RBPJ: variants seen among roughly 807,000 people sequenced by gnomAD.
The protein encoded by RBPJ is recombining binding protein suppressor of hairless.
RBPJ carries 9 observed loss-of-function variants against 67.8 expected under a neutral mutation model. That is an observed-to-expected ratio of 0.13 (90% CI 0.08 to 0.23). The LOEUF (loss-of-function observed/expected upper bound fraction) is 0.23, where lower values mean the gene tolerates loss of function less well. Among genes scored for constraint, RBPJ ranks in the 10% least tolerant of loss-of-function variants. RBPJ has a pLI of 1.00. For synonymous variants in RBPJ, 198 were observed against 203.3 expected, an observed-to-expected ratio of 0.97 and a Z score of 0.22; for missense variants, 305 against 595.6, an observed-to-expected ratio of 0.51 and a Z score of 5.08.
intron 1 of RBPJ, among the ~76,000 whole-genome samples, chr4:26,329,887 C>CTT (rs1260547342): frequency 2.0e-5 from 3 of 149,764 alleles, no homozygotes; most frequent in Non-Finnish European, 4.4e-5. Flanking sequence ...GAGTGAGACT[C>CTT]TGTCTCCAAA....
chr4:26,429,846 C>T (rs1736036391), intron 8 of RBPJ, 52 bp from the exon 9 acceptor site: 5 of 1,497,094 alleles, frequency 3.3e-6, no homozygotes, highest in South Asian at 1.2e-5. Flanking sequence ...TTTTCTTATC[C>T]TATTAATACA....
At chr4:26,304,744 C>G (rs1437358086) in intron 1 of RBPJ, among the ~76,000 whole-genome samples, 3 of 149,568 alleles carry the variant, frequency 2.0e-5, no homozygotes, top group Non-Finnish European at 4.4e-5. Flanking sequence ...ATACTAGACC[C>G]ATTTCACATA....
intron 1 of RBPJ, among the ~76,000 whole-genome samples, chr4:26,233,488 T>C (rs747621792): frequency 7.9e-5 from 12 of 152,374 alleles, no homozygotes; most frequent in Non-Finnish European, 1.3e-4. Context: ...TTCGTTAAGA[T>C]GTTGCCTTGT....
At chr4:26,157,873 G>GT in the RBPJ span, among the ~76,000 whole-genome samples, 34 of 152,270 alleles carry the variant, frequency 2.2e-4, no homozygotes, top group African/African-American at 7.0e-4. Flanking sequence ...TTTCCAGCTG[G>GT]TAACAAATGC....
the RBPJ span, among the ~76,000 whole-genome samples, chr4:26,137,980 G>A: frequency 6.6e-6 from 1 of 152,200 alleles, no homozygotes; most frequent in Non-Finnish European, 1.5e-5. Context: ...ACCAATGAGG[G>A]AGTGTGATTT....
At chr4:26,260,799 C>T (rs1256404925) in intron 1 of RBPJ, among the ~76,000 whole-genome samples, 4 of 152,192 alleles carry the variant, frequency 2.6e-5, no homozygotes, top group Admixed American at 2.6e-4. Context: ...CCACTCAAGT[C>T]TCCTCTCCTC....
At chr4:26,365,954 C>T (rs1248685972) in intron 1 of RBPJ, among the ~76,000 whole-genome samples, 3 of 152,216 alleles carry the variant, frequency 2.0e-5, no homozygotes, top group Admixed American at 1.3e-4. Flanking sequence ...GTTATCAACT[C>T]ATAGATCAGT....
the RBPJ span, among the ~76,000 whole-genome samples, chr4:26,135,290 A>G: frequency 6.6e-6 from 1 of 152,232 alleles, no homozygotes; most frequent in East Asian, 1.9e-4. Context: ...CCCCATTGTG[A>G]TGAGCAACTT....
chr4:26,285,008 C>G (rs972468903), intron 1 of RBPJ, among the ~76,000 whole-genome samples: 2 of 152,030 alleles, frequency 1.3e-5, no homozygotes, highest in Non-Finnish European at 1.5e-5. Context: ...AGGTGCCCAC[C>G]ACCACGCCTG....
the RBPJ span, among the ~76,000 whole-genome samples, chr4:26,124,452 A>ATATATATATATATATATT: frequency 9.9e-6 from 1 of 100,594 alleles, no homozygotes; most frequent in African/African-American, 3.5e-5. Flanking sequence ...ATATATATAT[A>ATATATATATATATATATT]TATATATATA....
intron 1 of RBPJ, among the ~76,000 whole-genome samples, chr4:26,259,556 G>A (rs73114526): frequency 0.11 from 16,273 of 152,136 alleles, 2,735 homozygotes; most frequent in African/African-American, 0.36. Context: ...GAAATGCTGC[G>A]GGATCTCAAT....
intron 1 of RBPJ, among the ~76,000 whole-genome samples, chr4:26,347,232 TC>T (rs1726257698): frequency 6.6e-6 from 1 of 152,254 alleles, no homozygotes; most frequent in Admixed American, 6.5e-5. Flanking sequence ...TACGTGGCGA[TC>T]CTGGAGCTCA....
At chr4:26,181,475 C>T (rs917790707) in intron 1 of RBPJ, among the ~76,000 whole-genome samples, 5 of 152,220 alleles carry the variant, frequency 3.3e-5, no homozygotes, top group African/African-American at 1.2e-4. Context: ...ATATCCTCTC[C>T]CCTTTCCCTT....
In RBPJ at chr4:26,255,133, G is replaced by GCA. The variant is rs1560231237; in HGVS notation, c.-167+91519_-167+91520insCA. ...AGAATGTAACATCTAGGCCGGGCGT[G>GCA]GTGGCTCACGCCTGTAATCCCAGCA... is the stretch of plus-strand genomic sequence containing the variant. On this transcript the variant is annotated intron_variant, in intron 1 of 4. Coordinates refer to the RBPJ transcript ENST00000512351. Among the ~76,000 whole-genome samples the GCA allele has an allele frequency of 2.7e-3, 397 of 146,192 alleles. 3 individuals carry two copies. The highest frequency in any genetic ancestry group is 0.024 in the Middle Eastern group (7 of 288).
the RBPJ span, among the ~76,000 whole-genome samples, chr4:26,124,017 TATC>T: frequency 1.3e-5 from 2 of 152,180 alleles, no homozygotes; most frequent in African/African-American, 2.4e-5. Context: ...CATTTATTAT[TATC>T]ATGTTTTATG....
At chr4:26,184,752 G>T (rs1277667971) in intron 1 of RBPJ, among the ~76,000 whole-genome samples, 2 of 152,206 alleles carry the variant, frequency 1.3e-5, no homozygotes, top group South Asian at 2.1e-4. Context: ...AATATTAAGG[G>T]CATGGAAAAG....
At chr4:26,246,558 A>G (rs1719934545) in intron 1 of RBPJ, among the ~76,000 whole-genome samples, 1 of 152,192 alleles carries the variant, frequency 6.6e-6, no homozygotes, top group South Asian at 2.1e-4. Context: ...AATGCCACTG[A>G]CATTAACCAA....
At chr4:26,324,633 G>A (rs918603560) in intron 1 of RBPJ, among the ~76,000 whole-genome samples, 9 of 152,080 alleles carry the variant, frequency 5.9e-5, no homozygotes, top group African/African-American at 2.2e-4. Context: ...GGGTTCAAGC[G>A]ATCCTCGTGC....
intron 1 of RBPJ, among the ~76,000 whole-genome samples, chr4:26,282,665 C>T (rs987526101): frequency 3.9e-5 from 6 of 151,924 alleles, no homozygotes; most frequent in African/African-American, 9.7e-5. Context: ...AGATTACAGG[C>T]GCATGCCACC....
Sources: allele counts gnomAD v4.1 joint callset (sites outside exome capture counted in the v4.1 genomes callset), GRCh38; gene constraint gnomAD v4.1.1; transcripts MANE v1.5; gene names NCBI Gene and HGNC (gene_info 2026-07-23, HGNC 2026-07-21).